Variants in CUL4B observed in about 807,000 individuals in gnomAD.
CUL4B encodes cullin-4B.
CUL4B carries 1 observed loss-of-function variant against 69.2 expected under a neutral mutation model. The observed-to-expected ratio is 0.01, with a 90% CI of 0.01 to 0.07. CUL4B has a LOEUF of 0.07. CUL4B is among the 10% of genes least tolerant of loss of function. The pLI is 1.00. For synonymous variants in CUL4B, 237 were observed against 223.2 expected (o/e 1.06, Z -0.55); for missense variants, 328 against 638.8 (o/e 0.51, Z 5.24).
rs187647902 is a variant in CUL4B, at chrX:120,555,542, C to T, written c.672+2382G>A. 4.8e-4 allele frequency among the ~76,000 whole-genome samples: 53 copies of T among 111,156 alleles called. No homozygotes were observed. The East Asian group carries it at 0.014, about 29-fold the overall frequency. ...GTGAGGTGGTACAGGAGTAAAAGTG[C>T]AATGAACTAGAAATCCAGCATCTCA... is the stretch of plus-strand genomic sequence containing the variant. On this transcript the variant is annotated intron_variant, in intron 2 of 19. Coordinates refer to ENST00000371322, the MANE Select transcript of CUL4B (RefSeq NM_001079872.2).
exon 1 of CUL4B, chrX:120,575,435 TTCTA>T (rs2147360831): frequency 8.9e-6 from 1 of 112,432 alleles, no homozygotes; most frequent in South Asian, 3.7e-4. Flanking sequence ...CGTTGTGTTC[TTCTA>T]TCTAAGGTCC....
downstream of CUL4B, among the ~76,000 whole-genome samples, chrX:120,570,654 C>T (rs1176796713): frequency 8.9e-6 from 1 of 111,913 alleles, no homozygotes; most frequent in Non-Finnish European, 1.9e-5. Context: ...ATGCAGACTT[C>T]AAAGGATGGC....
upstream of CUL4B, among the ~76,000 whole-genome samples, chrX:120,566,020 G>A (rs34111189): frequency 0.023 from 2,545 of 108,304 alleles, 79 homozygotes; most frequent in African/African-American, 0.074. Context: ...GAGCCACCGC[G>A]CCCGGCCCAG....
chrX:120,534,542 C>T lies in CUL4B; in HGVS notation c.2205G>A (p.Leu735=). 3 of 1,208,533 alleles carry T rather than the reference C, an allele frequency of 2.5e-6. No individual in the cohort carries two copies. Among genetic ancestry groups the T allele is most frequent in the Non-Finnish European group, 3.4e-6 (3 of 893,007 alleles). ...LQVSLFQTLV[L]LMFNEGEEFS... ...ACTCCTCTCCCTCATTAAACATTAG[C>T]AGCACCAGTGTTTGAAAAAGAGAGA... The change falls in exon 17 of 20, where the codon CTG becomes CTA. Residue 735 remains leucine (L), a synonymous_variant. Coordinates refer to ENST00000371322, the MANE Select transcript of CUL4B (RefSeq NM_001079872.2).
At chrX:120,572,397 G>A (rs150332939) in intron 2 of CUL4B, among the ~76,000 whole-genome samples, 3,336 of 103,597 alleles carry the variant, frequency 0.032, 59 homozygotes, top group Middle Eastern at 0.053. Context: ...CCCAGGAGAC[G>A]GAGGTTGCAG....
chrX:120,553,256 C>T (rs1924791576), intron 2 of CUL4B, among the ~76,000 whole-genome samples: 1 of 111,825 alleles, frequency 8.9e-6, no homozygotes. Context: ...AAAAGTTACA[C>T]AGACTCCAAC....
chrX:120,566,384 T>A, upstream of CUL4B, among the ~76,000 whole-genome samples: 1 of 85,259 alleles, frequency 1.2e-5, no homozygotes, highest in Non-Finnish European at 2.3e-5. Flanking sequence ...TATATATATA[T>A]ATATATGTAT....
intron 6 of CUL4B, 138 bp downstream of exon 6, chrX:120,544,343 T>G (rs1356025928): frequency 1.2e-6 from 1 of 826,612 alleles, no homozygotes; most frequent in Non-Finnish European, 1.8e-6. Flanking sequence ...AGCATGATGA[T>G]TGGGTTTTTA....
At chrX:120,534,130 G>A (rs900930012) in intron 17 of CUL4B, among the ~76,000 whole-genome samples, 1 of 109,391 alleles carries the variant, frequency 9.1e-6, no homozygotes. Context: ...AGTACTTAGG[G>A]AGGCTGAGGC....
At chrX:120,566,371 A>ATATATATATATATATATATATATGTG (rs1925539309), upstream of CUL4B, among the ~76,000 whole-genome samples, 1 of 60,028 alleles carries the variant, frequency 1.7e-5, no homozygotes, top group African/African-American at 5.3e-5. Flanking sequence ...ATATATATAT[A>ATATATATATATATATATATATATGTG]TATATATATA....
At chrX:120,552,327 T>C (rs2147342634) in intron 2 of CUL4B, among the ~76,000 whole-genome samples, 1 of 112,457 alleles carries the variant, frequency 8.9e-6, no homozygotes, top group African/African-American at 3.2e-5. Flanking sequence ...TTTGTATTTT[T>C]GGTAGAGACT....
At chrX:120,538,512 T>A (rs1923800079) in intron 13 of CUL4B, 148 bp downstream of exon 13, 1 of 468,722 alleles carries the variant, frequency 2.1e-6, no homozygotes, top group African/African-American at 2.4e-5. Flanking sequence ...GTACAATAAG[T>A]TGGAAACCTC....
chrX:120,574,219 A>AT (rs1167540095), intron 2 of CUL4B, among the ~76,000 whole-genome samples: 33 of 98,305 alleles, frequency 3.4e-4, no homozygotes, highest in Middle Eastern at 0.013. Context: ...TGTTAACAAT[A>AT]TTTTTTTTTT....
At chrX:120,570,357 C>A (rs1027071265), downstream of CUL4B, among the ~76,000 whole-genome samples, 5 of 112,344 alleles carry the variant, frequency 4.5e-5, no homozygotes, top group Admixed American at 1.9e-4. Context: ...GCCCATGGAC[C>A]AAACCCTGTC....
upstream of CUL4B, chrX:120,561,353 C>T: frequency 1.8e-6 from 1 of 565,659 alleles, no homozygotes; most frequent in South Asian, 2.3e-5. Flanking sequence ...CGGGAAGCTT[C>T]GCGCCGCAGC....
At chrX:120,543,910 G>C in intron 7 of CUL4B, 101 bp from the exon 8 acceptor site, 2 of 644,411 alleles carry the variant, frequency 3.1e-6, no homozygotes, top group South Asian at 4.8e-5. Context: ...AAATGTGACA[G>C]GGTAGAATCA....
chrX:120,534,151 C>G (rs1233343464), intron 17 of CUL4B, among the ~76,000 whole-genome samples: 1 of 108,966 alleles, frequency 9.2e-6, no homozygotes, highest in Admixed American at 9.9e-5. Flanking sequence ...AGGAAGACCC[C>G]TTGAGCCCAG....
At chrX:120,561,507 T>C (rs1473871983), upstream of CUL4B, 1 of 228,682 alleles carries the variant, frequency 4.4e-6, no homozygotes, top group East Asian at 2.0e-4. Flanking sequence ...GGGGCGGGCC[T>C]TCGAGACACC....
At chrX:120,565,643 C>T (rs1391710309), upstream of CUL4B, among the ~76,000 whole-genome samples, 3 of 75,309 alleles carry the variant, frequency 4.0e-5, no homozygotes, top group Admixed American at 3.7e-4. Flanking sequence ...GATTGCACCA[C>T]TGCACTCCAG....
Sources: allele counts gnomAD v4.1 joint callset (sites outside exome capture counted in the v4.1 genomes callset), GRCh38; gene constraint gnomAD v4.1.1; transcripts MANE v1.5; gene names NCBI Gene and HGNC (gene_info 2026-07-23, HGNC 2026-07-21).